Variants in TMEM132D observed in about 807,000 individuals in gnomAD.
The protein encoded by TMEM132D is transmembrane protein 132D, also known as mature OL transmembrane protein.
A neutral mutation model predicts 62.3 loss-of-function variants in TMEM132D; 21 were observed. The observed-to-expected ratio is 0.34, with a 90% CI of 0.24 to 0.49. The LOEUF (loss-of-function observed/expected upper bound fraction) is 0.49, where lower values mean the gene tolerates loss of function less well. Among genes scored for constraint, TMEM132D ranks in the 20% least tolerant of loss-of-function variants. TMEM132D has a pLI of 0.99. For missense variants in TMEM132D, 1,346 were observed against 1,402.8 expected (o/e 0.96, Z 0.65); for synonymous variants, 621 against 575.6 (o/e 1.08, Z -1.13).
chr12:129,426,266 G>C (rs959433912), intron 3 of TMEM132D, among the ~76,000 whole-genome samples: 4 of 152,108 alleles, frequency 2.6e-5, no homozygotes, highest in African/African-American at 9.7e-5. Flanking sequence ...TATTTAGGAA[G>C]GGAAATTATG....
In TMEM132D at chr12:129,818,856, G is replaced by A. The variant is rs566658249; in HGVS notation, c.79+84405C>T. Reference sequence around the variant, plus strand: ...TGGAGATCAGCCTGGGCAACATAGCGAGACCCTGTCTCTACAAAACATACA... The same window carrying A: ...TGGAGATCAGCCTGGGCAACATAGCAAGACCCTGTCTCTACAAAACATACA... On this transcript the variant is annotated intron_variant, in intron 1 of 8. Transcript: ENST00000422113. 2.1e-3 allele frequency among the ~76,000 whole-genome samples: 321 copies of A among 151,942 alleles called. 1 individual carries two copies. Among genetic ancestry groups the A allele is most frequent in the African/African-American group, 7.3e-3 (304 of 41,414 alleles).
intron 3 of TMEM132D, among the ~76,000 whole-genome samples, chr12:129,388,416 C>T (rs373405102): frequency 4.8e-5 from 5 of 103,566 alleles, no homozygotes; most frequent in African/African-American, 1.2e-4. Context: ...TAAACACTAA[C>T]AGCAACACCA....
chr12:129,206,078 GCAA>G (rs1421372964), intron 5 of TMEM132D, among the ~76,000 whole-genome samples: 1 of 152,064 alleles, frequency 6.6e-6, no homozygotes, highest in Non-Finnish European at 1.5e-5. Flanking sequence ...AAAAGCAATT[GCAA>G]CAAAAACAAA....
intron 2 of TMEM132D, among the ~76,000 whole-genome samples, chr12:129,539,583 T>TTG (rs1440210035): frequency 6.6e-6 from 1 of 150,566 alleles, no homozygotes; most frequent in Non-Finnish European, 1.5e-5. Flanking sequence ...TATTTTTTTT[T>TTG]TTTCTTTTAG....
chr12:129,683,623 C>T (rs996090224), intron 2 of TMEM132D, among the ~76,000 whole-genome samples: 2 of 152,168 alleles, frequency 1.3e-5, no homozygotes, highest in Non-Finnish European at 2.9e-5. Flanking sequence ...CCATGAGTGT[C>T]TACATGGACA....
Position 129,263,898 on chromosome 12 carries a change from A to C in TMEM132D, c.1300-54235T>G, listed in dbSNP as rs1880617876. On this transcript the variant is annotated intron_variant, in intron 4 of 8. Coordinates refer to ENST00000422113, the MANE Select transcript of TMEM132D (RefSeq NM_133448.3). ...GCTGCAAGTGACAGAAAATCAATCA[A>C]AAATAGATGAAGCAAGAGAAAAAAG... Among the ~76,000 whole-genome samples the C allele has an allele frequency of 2.0e-5, 3 of 152,242 alleles. No individual in the cohort carries two copies. In the South Asian group the frequency reaches 6.2e-4, roughly 32 times the overall value.
At chr12:129,145,018 A>G (rs1876852578) in intron 5 of TMEM132D, among the ~76,000 whole-genome samples, 1 of 152,008 alleles carries the variant, frequency 6.6e-6, no homozygotes, top group South Asian at 2.1e-4. Context: ...ATACACACAC[A>G]TATTTATATA....
intron 2 of TMEM132D, among the ~76,000 whole-genome samples, chr12:129,536,916 G>A (rs1876406422): frequency 6.6e-6 from 1 of 152,096 alleles, no homozygotes; most frequent in Admixed American, 6.5e-5. Flanking sequence ...CAGCCATGTG[G>A]GAGGCCGAGG....
intron 2 of TMEM132D, among the ~76,000 whole-genome samples, chr12:129,657,270 C>G: frequency 6.6e-6 from 1 of 152,230 alleles, no homozygotes; most frequent in East Asian, 1.9e-4. Context: ...ACCCCAAGTA[C>G]AGCCCCAGAG....
At chr12:129,425,783 A>G (rs1189811318) in intron 3 of TMEM132D, among the ~76,000 whole-genome samples, 1 of 152,216 alleles carries the variant, frequency 6.6e-6, no homozygotes, top group African/African-American at 2.4e-5. Context: ...TGCGTAAACA[A>G]TAAAGATCCA....
At chr12:129,849,860 G>GT (rs1873485136) in intron 1 of TMEM132D, among the ~76,000 whole-genome samples, 1 of 152,184 alleles carries the variant, frequency 6.6e-6, no homozygotes, top group Non-Finnish European at 1.5e-5. Flanking sequence ...CAGAGCCGAG[G>GT]TTTTATCTTG....
rs1486319028 is a variant in TMEM132D, at chr12:129,254,389, GCTT to G, written c.1300-44729_1300-44727del. 2.0e-5 allele frequency among the ~76,000 whole-genome samples: 3 copies of G among 152,164 alleles called. No individual in the cohort carries two copies. In the East Asian group the frequency reaches 5.8e-4, roughly 29 times the overall value. On this transcript the variant is annotated intron_variant, in intron 4 of 8. Coordinates refer to ENST00000422113, the MANE Select transcript of TMEM132D (RefSeq NM_133448.3). ...AAAGGATTTATAAAACGGTGTCTGTGCTTCTTAGCGTCCTTGAGAAGTGCAGAG... is the reference window on the plus strand; with the variant it reads ...AAAGGATTTATAAAACGGTGTCTGTGCTTAGCGTCCTTGAGAAGTGCAGAG...
intron 5 of TMEM132D, among the ~76,000 whole-genome samples, chr12:129,089,616 C>T (rs1014611606): frequency 4.6e-5 from 7 of 152,226 alleles, no homozygotes; most frequent in Non-Finnish European, 7.3e-5. Context: ...TCCTCCCTGA[C>T]GGGGGCCTTG....
chr12:129,818,800 C>T (rs1312346882), intron 1 of TMEM132D, among the ~76,000 whole-genome samples: 7 of 151,802 alleles, frequency 4.6e-5, no homozygotes, highest in African/African-American at 1.7e-4. Flanking sequence ...TTTGGAAGGC[C>T]AAGGTGGATG....
chr12:129,087,519 G>T (rs1048899608), intron 5 of TMEM132D, among the ~76,000 whole-genome samples: 3 of 151,134 alleles, frequency 2.0e-5, no homozygotes, highest in African/African-American at 7.3e-5. Context: ...GGCAGGGAGA[G>T]ATTTGACTGC....
chr12:129,461,062 G>A (rs928048109), intron 3 of TMEM132D, among the ~76,000 whole-genome samples: 6 of 152,192 alleles, frequency 3.9e-5, no homozygotes, highest in African/African-American at 7.2e-5. Context: ...TTAGAATAAT[G>A]GCGGAGCTGG....
intron 3 of TMEM132D, among the ~76,000 whole-genome samples, chr12:129,481,429 C>A (rs548077428): frequency 2.0e-5 from 3 of 149,354 alleles, no homozygotes; most frequent in African/African-American, 7.4e-5. Context: ...CACCACTGCA[C>A]TCCAGCCCGG....
intron 3 of TMEM132D, among the ~76,000 whole-genome samples, chr12:129,447,732 A>G (rs1873146583): frequency 6.6e-6 from 1 of 152,198 alleles, no homozygotes. Context: ...AGTTTTCTAC[A>G]TATGCAATAA....
At chr12:129,632,181 A>G (rs770777003) in intron 2 of TMEM132D, among the ~76,000 whole-genome samples, 2 of 152,184 alleles carry the variant, frequency 1.3e-5, no homozygotes, top group Non-Finnish European at 2.9e-5. Context: ...CACCTTAGGA[A>G]ATGCTTATAT....
Sources: gnomAD v4.1 joint callset for allele counts (sites outside exome capture counted in the v4.1 genomes callset) on GRCh38, gnomAD v4.1.1 for gene constraint, MANE v1.5 for transcripts, NCBI Gene and HGNC (gene_info 2026-07-23, HGNC 2026-07-21) for gene names.